WWOX: variants seen among roughly 807,000 people sequenced by gnomAD.
The protein encoded by WWOX is WW domain-containing oxidoreductase.
In WWOX, 69 loss-of-function variants were observed where a neutral mutation model predicts 46.2. The observed-to-expected ratio is 1.49, with a 90% CI of 1.23 to 1.82. The LOEUF is 1.82. Ranked by LOEUF, WWOX falls within the 40% of genes most tolerant of loss-of-function variation. The pLI is 0.00. For missense variants in WWOX, 919 were observed against 542.6 expected (o/e 1.69, Z -6.89); for synonymous variants, 359 against 202.6 (o/e 1.77, Z -6.56).
At chr16:78,524,564 T>C (rs531571764) in intron 8 of WWOX, among the ~76,000 whole-genome samples, 2 of 151,470 alleles carry the variant, frequency 1.3e-5, no homozygotes, top group African/African-American at 4.9e-5. Flanking sequence ...GGGATTACAG[T>C]TGTGCACCAC....
chr16:78,369,758 C>T (rs78772207), intron 5 of WWOX, among the ~76,000 whole-genome samples: 1 of 151,994 alleles, frequency 6.6e-6, no homozygotes, highest in Non-Finnish European at 1.5e-5. Context: ...AAATACGTTG[C>T]TTGTGGATAC....
intron 8 of WWOX, chr16:78,895,437 T>A (rs2044680508): frequency 6.6e-6 from 1 of 152,276 alleles, no homozygotes; most frequent in Admixed American, 6.5e-5. Flanking sequence ...TTCTTTCTGT[T>A]CTGCCCCATG....
At chr16:78,812,377 G>C (rs577179579) in intron 8 of WWOX, among the ~76,000 whole-genome samples, 12 of 151,872 alleles carry the variant, frequency 7.9e-5, no homozygotes, top group Non-Finnish European at 1.6e-4. Flanking sequence ...TATGTTCTTG[G>C]GTAATGTCAA....
intron 8 of WWOX, among the ~76,000 whole-genome samples, chr16:78,530,820 G>T (rs894272091): frequency 1.3e-5 from 2 of 152,188 alleles, no homozygotes. Flanking sequence ...GCTAGAGATA[G>T]TGCTCATAAT....
At chr16:78,234,108 G>A (rs1250130395) in intron 5 of WWOX, among the ~76,000 whole-genome samples, 1 of 123,804 alleles carries the variant, frequency 8.1e-6, no homozygotes, top group East Asian at 2.5e-4. Flanking sequence ...ACGGTGGGGA[G>A]GAGTTCATAT....
chr16:78,852,044 A>C (rs58519954), intron 8 of WWOX, among the ~76,000 whole-genome samples: 1,860 of 152,282 alleles, frequency 0.012, 40 homozygotes, highest in African/African-American at 0.043. Context: ...GAGTGACTTG[A>C]ACTGGGACAT....
chr16:78,383,905 C>A (rs776405849), intron 5 of WWOX, among the ~76,000 whole-genome samples: 1 of 152,016 alleles, frequency 6.6e-6, no homozygotes, highest in Non-Finnish European at 1.5e-5. Context: ...ACCCCTTTTT[C>A]CCTTAGAGTT....
chr16:78,173,455 A>ATTT (rs35394224), intron 5 of WWOX, among the ~76,000 whole-genome samples: 2 of 135,848 alleles, frequency 1.5e-5, no homozygotes, highest in African/African-American at 2.7e-5. Flanking sequence ...CACCTGGCTA[A>ATTT]TTTTTTTTTT....
intron 8 of WWOX, among the ~76,000 whole-genome samples, chr16:78,604,241 G>A (rs1057079454): frequency 6.6e-6 from 1 of 152,140 alleles, no homozygotes; most frequent in East Asian, 1.9e-4. Flanking sequence ...TACTCCAAAT[G>A]TAACTCCTGG....
rs144699947 is a variant in WWOX at position 78,304,685 on chromosome 16, G to T, written c.517-82175G>T. Among the ~76,000 whole-genome samples the T allele has an allele frequency of 1.3e-4, 20 of 152,178 alleles. 1 individual carries two copies. In the East Asian group the frequency reaches 3.9e-3, roughly 29 times the overall value. On this transcript the variant is annotated intron_variant, in intron 5 of 8. Coordinates refer to ENST00000566780, the MANE Select transcript of WWOX (RefSeq NM_016373.4). ...AGCATTCTTTGTTGATGGATGTTAG[G>T]GTTGTATCCATTATTTTGCTATTAT...
intron 6 of WWOX, among the ~76,000 whole-genome samples, chr16:78,421,740 GC>G (rs749879836): frequency 1.3e-5 from 2 of 152,108 alleles, no homozygotes; most frequent in Non-Finnish European, 2.9e-5. Context: ...AGTAAAGCTG[GC>G]TAAAACTTGA....
At chr16:78,796,260 T>A (rs1201544845) in intron 8 of WWOX, among the ~76,000 whole-genome samples, 1 of 152,218 alleles carries the variant, frequency 6.6e-6, no homozygotes, top group Non-Finnish European at 1.5e-5. Flanking sequence ...ATACTGTGAT[T>A]CACTGACCCA....
chr16:78,673,918 C>G (rs1046306963), intron 8 of WWOX, among the ~76,000 whole-genome samples: 3 of 151,994 alleles, frequency 2.0e-5, no homozygotes, highest in African/African-American at 7.3e-5. Context: ...TTGGTTCATC[C>G]CATTTGAGTT....
chr16:78,324,596 TTTATA>T (rs2080568506), intron 5 of WWOX, among the ~76,000 whole-genome samples: 1 of 152,164 alleles, frequency 6.6e-6, no homozygotes, highest in South Asian at 2.1e-4. Flanking sequence ...AATATTCCAT[TTTATA>T]TTCATAAAAA....
At chr16:78,918,899 T>G (rs1433051656) in intron 8 of WWOX, among the ~76,000 whole-genome samples, 2 of 152,146 alleles carry the variant, frequency 1.3e-5, no homozygotes. Flanking sequence ...GAGCTACCTA[T>G]TCCAAGAACA....
At chr16:79,153,512 C>G (rs2050321792) in intron 8 of WWOX, among the ~76,000 whole-genome samples, 3 of 152,144 alleles carry the variant, frequency 2.0e-5, no homozygotes, top group African/African-American at 7.2e-5. Flanking sequence ...GGAGAACAGC[C>G]CACGGCAATG....
chr16:78,266,808 C>CTCTCTCTCTCTCTG (rs2079373130), intron 5 of WWOX, among the ~76,000 whole-genome samples: 1 of 150,552 alleles, frequency 6.6e-6, no homozygotes, highest in East Asian at 2.0e-4. Context: ...CTCTCTCTCT[C>CTCTCTCTCTCTCTG]TCTCTCTCTC....
chr16:79,149,889 G>T (rs971184704), intron 8 of WWOX, among the ~76,000 whole-genome samples: 16 of 152,132 alleles, frequency 1.1e-4, no homozygotes, highest in African/African-American at 3.9e-4. Context: ...AGATAAGAGG[G>T]TTCAGATCCT....
At chr16:78,929,770 A>G (rs1486479331) in intron 8 of WWOX, among the ~76,000 whole-genome samples, 2 of 152,190 alleles carry the variant, frequency 1.3e-5, no homozygotes, top group African/African-American at 4.8e-5. Context: ...GGGTCAGTCC[A>G]AGGTGACCAG....
Sources: gnomAD v4.1 joint callset for allele counts (sites outside exome capture counted in the v4.1 genomes callset) on GRCh38, gnomAD v4.1.1 for gene constraint, MANE v1.5 for transcripts, NCBI Gene and HGNC (gene_info 2026-07-23, HGNC 2026-07-21) for gene names.